Variants in AP2A1 observed in about 807,000 individuals in gnomAD.
The protein encoded by AP2A1 is AP-2 complex subunit alpha-1.
A neutral mutation model predicts 107.3 loss-of-function variants in AP2A1; 21 were observed. The observed-to-expected ratio is 0.20, with a 90% CI of 0.14 to 0.28. AP2A1 has a LOEUF of 0.28. Ranked by LOEUF, AP2A1 falls within the 10% of genes least tolerant of loss-of-function variation. AP2A1 has a pLI of 1.00. For missense variants in AP2A1, 873 were observed against 1,307.7 expected, an observed-to-expected ratio of 0.67 and a Z score of 5.13; for synonymous variants, 602 against 564.8, an observed-to-expected ratio of 1.07 and a Z score of -0.93.
chr19:49,767,239 G>A (rs1167266171), intron 1 of AP2A1, 39 bp downstream of exon 1: 1 of 1,604,316 alleles, frequency 6.2e-7, no homozygotes, highest in Admixed American at 1.7e-5. Context: ...ACGCGGGGGA[G>A]GGGGGAGCGT....
intron 4 of AP2A1, among the ~76,000 whole-genome samples, chr19:49,783,175 T>C (rs972810218): frequency 2.0e-5 from 3 of 152,114 alleles, no homozygotes; most frequent in Admixed American, 1.3e-4. Context: ...AGGAGACAAA[T>C]GGTGATGGAA....
At chr19:49,782,912 A>T (rs1251073484) in intron 4 of AP2A1, among the ~76,000 whole-genome samples, 188 bp downstream of exon 4, 1 of 152,134 alleles carries the variant, frequency 6.6e-6, no homozygotes, top group Non-Finnish European at 1.5e-5. Context: ...TACGAAGCTG[A>T]CTTGATGGTG....
chr19:49,802,640 G>A lies in AP2A1; in HGVS notation c.2115-309G>A, dbSNP rs1171763657. The A allele has an allele frequency of 1.9e-5, 29 of 1,499,600 alleles. No individual in the cohort carries two copies. The East Asian group carries it at 6.4e-4, about 33-fold the overall frequency. The allele number at this position is 1,499,600 out of a possible 1,614,324, so 92.9% of individuals were successfully genotyped here. A position where few individuals can be genotyped will look rare whatever the true frequency, so the allele number is the denominator to read the frequency against. Reference sequence around the variant, plus strand: ...GGGTGGGAGGTCGGTCGGGGGGGCGGACTCGGGTGTCCCCAGGGAGAGTTA... The same window carrying A: ...GGGTGGGAGGTCGGTCGGGGGGGCGAACTCGGGTGTCCCCAGGGAGAGTTA... On this transcript the variant is annotated intron_variant, in intron 15 of 22. Transcript: ENST00000354293.
chr19:49,773,183 C>T (rs2084583060), intron 1 of AP2A1, among the ~76,000 whole-genome samples: 1 of 152,098 alleles, frequency 6.6e-6, no homozygotes, highest in African/African-American at 2.4e-5. Context: ...CTGGGCCCAG[C>T]CCGAGGGCGT....
chr19:49,806,862 AG>A lies in AP2A1; in HGVS notation c.*107del. 1 of 1,579,664 alleles carries A rather than the reference AG, an allele frequency of 6.3e-7. No homozygotes were observed. The highest frequency in any genetic ancestry group is 8.6e-7 in the Non-Finnish European group (1 of 1,166,424). ...CTCCACTGGTGACAGAGAAGACACCAGGGTTTGGGGGATGCCTGGGACTTTC... is the reference window on the plus strand; with the variant it reads ...CTCCACTGGTGACAGAGAAGACACCAGGTTTGGGGGATGCCTGGGACTTTC... On this transcript the variant is annotated 3_prime_UTR_variant, in exon 23 of 23. Transcript: ENST00000354293.
rs200832058 is a variant in AP2A1 at position 49,803,322 on chromosome 19, G to A, written c.2290G>A (p.Val764Met). ...TCTCTTCTATGGCAACAAGACCTCG[G>A]TGCAGTTCCAGAATTTCTCACCCAC... The part of the protein sequence containing the change: ...MYLFYGNKTS[V>M]QFQNFSPTVV... Residue 764 changes from valine (V) to methionine (M), a missense_variant, in exon 18 of 23, where the codon GTG becomes ATG. Coordinates refer to ENST00000354293, the MANE Select transcript of AP2A1 (RefSeq NM_130787.3). The A allele has an allele frequency of 6.8e-6, 11 of 1,613,912 alleles. No homozygotes were observed. In the East Asian group the frequency reaches 2.5e-4, roughly 36 times the overall value.
intron 1 of AP2A1, among the ~76,000 whole-genome samples, chr19:49,769,189 G>A (rs1029796526): frequency 2.0e-5 from 3 of 152,086 alleles, no homozygotes; most frequent in African/African-American, 7.2e-5. Flanking sequence ...GGCAGAGGTT[G>A]CAATGAGCCG....
chr19:49,787,149 G>A (rs933544000), intron 4 of AP2A1, among the ~76,000 whole-genome samples: 2 of 151,724 alleles, frequency 1.3e-5, no homozygotes, highest in Non-Finnish European at 2.9e-5. Flanking sequence ...TGTGATTATA[G>A]GCGTGCACCA....
chr19:49,793,107 G>C lies in AP2A1; in HGVS notation c.705+15G>C, dbSNP rs1378462546. 12 of 1,585,592 alleles carry C rather than the reference G, an allele frequency of 7.6e-6. No individual in the cohort carries two copies. The African/African-American group carries it at 1.5e-4, about 20-fold the overall frequency. On this transcript the variant is annotated intron_variant, in intron 6 of 22. Coordinates refer to ENST00000354293, the MANE Select transcript of AP2A1 (RefSeq NM_130787.3). ...GCCTGAGCCGGGTGGGTGTGGCCTA[G>C]ATATTGGCTGCTGGAGGTGGCCCTG...
At chr19:49,801,317 G>A in intron 12 of AP2A1, 73 bp from the exon 13 acceptor site, 1 of 1,458,800 alleles carries the variant, frequency 6.9e-7, no homozygotes, top group Non-Finnish European at 9.4e-7. Context: ...TCCTAGGGAG[G>A]GGCACCTCTC....
At chr19:49,801,126 C>A (rs1419910305) in intron 12 of AP2A1, 68 bp downstream of exon 12, 23 of 1,426,766 alleles carry the variant, frequency 1.6e-5, no homozygotes, top group Non-Finnish European at 2.2e-5. Context: ...TGGGGGATCC[C>A]CAGGGGTCTC....
chr19:49,794,122 G>A (rs1401172294), intron 6 of AP2A1, among the ~76,000 whole-genome samples: 2 of 151,312 alleles, frequency 1.3e-5, no homozygotes, highest in East Asian at 3.9e-4. Context: ...GGATGATCTC[G>A]ATCTCCTGAC....
At chr19:49,792,394 C>G (rs1429700004) in intron 5 of AP2A1, among the ~76,000 whole-genome samples, 2 of 151,774 alleles carry the variant, frequency 1.3e-5, no homozygotes, top group African/African-American at 4.8e-5. Context: ...CCCCTGGATG[C>G]CTGGGGCTCC....
At chr19:49,783,448 G>A (rs990733341) in intron 4 of AP2A1, among the ~76,000 whole-genome samples, 4 of 152,112 alleles carry the variant, frequency 2.6e-5, no homozygotes, top group Admixed American at 6.6e-5. Context: ...TTGTGGTTGC[G>A]CCAGTGTACT....
intron 1 of AP2A1, among the ~76,000 whole-genome samples, chr19:49,778,233 G>C (rs1318021522): frequency 6.6e-6 from 1 of 152,100 alleles, no homozygotes; most frequent in Non-Finnish European, 1.5e-5. Context: ...AATTGAGATG[G>C]TATAGCCCAC....
chr19:49,778,781 T>A (rs2084642881), intron 1 of AP2A1, among the ~76,000 whole-genome samples: 1 of 152,104 alleles, frequency 6.6e-6, no homozygotes, highest in Non-Finnish European at 1.5e-5. Flanking sequence ...AAATAATACA[T>A]ATTATTTAAA....
At chr19:49,803,218 T>A (rs757524872) in intron 17 of AP2A1, 29 bp downstream of exon 17, 53 of 1,613,618 alleles carry the variant, frequency 3.3e-5, no homozygotes, top group Non-Finnish European at 1.7e-6. Flanking sequence ...TGGGAATGGG[T>A]CGGAGGGAGA....
intron 15 of AP2A1, 173 bp downstream of exon 15, chr19:49,802,314 C>T (rs1361121581): frequency 4.9e-6 from 4 of 818,044 alleles, no homozygotes; most frequent in Non-Finnish European, 8.1e-6. Context: ...CCTCCCTGCT[C>T]ACGCCCTCCC....
At chr19:49,772,981 C>T (rs1222101268) in intron 1 of AP2A1, among the ~76,000 whole-genome samples, 1 of 151,212 alleles carries the variant, frequency 6.6e-6, no homozygotes, top group African/African-American at 2.4e-5. Context: ...AAGAGAAGGG[C>T]GGAGGGATGC....
Sources: allele counts gnomAD v4.1 joint callset (sites outside exome capture counted in the v4.1 genomes callset), GRCh38; gene constraint gnomAD v4.1.1; transcripts MANE v1.5; gene names NCBI Gene and HGNC (gene_info 2026-07-23, HGNC 2026-07-21).